CDYL2: variants seen among roughly 807,000 people sequenced by gnomAD.
The protein encoded by CDYL2 is chromodomain Y-like protein 2.
Under a neutral mutation model 49.4 loss-of-function variants are expected in CDYL2, and 23 were observed. The ratio of observed to expected loss-of-function variants is 0.47; its 90% confidence interval spans 0.34 to 0.66. CDYL2 has a LOEUF of 0.66. Ranked by LOEUF, CDYL2 falls within the 30% of genes least tolerant of loss-of-function variation. The pLI is 0.01. For synonymous variants in CDYL2, 360 were observed against 268.8 expected (o/e 1.34, Z -3.32); for missense variants, 678 against 656.4 (o/e 1.03, Z -0.36).
At chr16:80,736,454 G>C (rs1043650805) in intron 1 of CDYL2, 13 of 152,228 alleles carry the variant, frequency 8.5e-5, no homozygotes, top group African/African-American at 2.9e-4. Flanking sequence ...GTGAGCAAGA[G>C]AGGTACAAAG....
chr16:80,777,503 A>G (rs1261662188), intron 1 of CDYL2, among the ~76,000 whole-genome samples: 2 of 152,136 alleles, frequency 1.3e-5, no homozygotes, highest in Non-Finnish European at 2.9e-5. Flanking sequence ...GAAAAGAGAA[A>G]GTACAAATCT....
chr16:80,724,023 G>A (rs113044987), intron 1 of CDYL2, among the ~76,000 whole-genome samples: 3 of 149,012 alleles, frequency 2.0e-5, no homozygotes, highest in Admixed American at 6.7e-5. Context: ...AAGAGAAAGA[G>A]GAAGAGGGGA....
chr16:80,699,712 G>C (rs1225105662), intron 1 of CDYL2, among the ~76,000 whole-genome samples: 2 of 152,082 alleles, frequency 1.3e-5, no homozygotes, highest in Non-Finnish European at 2.9e-5. Flanking sequence ...TGAAGGGATG[G>C]ATATGCTAAT....
intron 1 of CDYL2, among the ~76,000 whole-genome samples, chr16:80,720,577 G>T (rs1408199202): frequency 6.6e-6 from 1 of 152,226 alleles, no homozygotes; most frequent in Non-Finnish European, 1.5e-5. Context: ...ATTTTGCTCA[G>T]GAGTATCCAT....
At chr16:80,781,694 G>A (rs1907275017) in intron 1 of CDYL2, among the ~76,000 whole-genome samples, 1 of 152,016 alleles carries the variant, frequency 6.6e-6, no homozygotes, top group Admixed American at 6.6e-5. Flanking sequence ...ATCATACAAA[G>A]TACCTTTTCT....
At chr16:80,622,308 C>A (rs559656500) in intron 3 of CDYL2, among the ~76,000 whole-genome samples, 1 of 152,304 alleles carries the variant, frequency 6.6e-6, no homozygotes, top group African/African-American at 2.4e-5. Flanking sequence ...AGCCTATATT[C>A]ACCTAATCAC....
intron 2 of CDYL2, among the ~76,000 whole-genome samples, chr16:80,666,580 G>A (rs565703236): frequency 3.2e-4 from 49 of 152,272 alleles, no homozygotes; most frequent in African/African-American, 8.4e-4. Flanking sequence ...GGCAGATGGC[G>A]ACAACAATCA....
intron 1 of CDYL2, among the ~76,000 whole-genome samples, chr16:80,727,387 G>C (rs575524381): frequency 3.3e-5 from 5 of 152,346 alleles, no homozygotes; most frequent in Admixed American, 2.6e-4. Flanking sequence ...GCGCTTTTCC[G>C]AGGGGCTTAA....
intron 1 of CDYL2, among the ~76,000 whole-genome samples, chr16:80,719,022 G>A (rs962373960): frequency 1.3e-5 from 2 of 152,146 alleles, no homozygotes; most frequent in Non-Finnish European, 1.5e-5. Context: ...ACGACTTAAC[G>A]CTCCCAGAGA....
At chr16:80,604,736 T>G (rs1906255683) in intron 6 of CDYL2, among the ~76,000 whole-genome samples, 190 bp from the exon 7 acceptor site, 1 of 152,180 alleles carries the variant, frequency 6.6e-6, no homozygotes. Context: ...TGTCAAGACG[T>G]GAACACTGTG....
intron 1 of CDYL2, among the ~76,000 whole-genome samples, chr16:80,710,014 G>A (rs932822838): frequency 1.3e-5 from 2 of 150,652 alleles, no homozygotes; most frequent in Admixed American, 6.6e-5. Context: ...TGCAACCTCC[G>A]CCTTCCTGTT....
chr16:80,690,219 T>C (rs956690584), intron 1 of CDYL2, among the ~76,000 whole-genome samples: 3 of 151,818 alleles, frequency 2.0e-5, no homozygotes, highest in African/African-American at 4.8e-5. Context: ...GCAGCGGGAA[T>C]GGATTTACTT....
At chr16:80,606,351 T>C (rs1286167433) in intron 6 of CDYL2, among the ~76,000 whole-genome samples, 1 of 152,226 alleles carries the variant, frequency 6.6e-6, no homozygotes, top group Non-Finnish European at 1.5e-5. Context: ...TTCCTTGTCC[T>C]AAGAGCCTGT....
intron 4 of CDYL2, among the ~76,000 whole-genome samples, chr16:80,618,247 G>T (rs1906918741): frequency 6.6e-6 from 1 of 151,004 alleles, no homozygotes; most frequent in Non-Finnish European, 1.5e-5. Context: ...TACTCAGCTG[G>T]GAAAGTCAGG....
intron 1 of CDYL2, among the ~76,000 whole-genome samples, chr16:80,728,662 G>T (rs921861086): frequency 1.3e-5 from 2 of 151,968 alleles, no homozygotes; most frequent in African/African-American, 4.8e-5. Flanking sequence ...CACCAAAGTT[G>T]AAATGAAGGA....
At chr16:80,674,139 C>T (rs1329269792) in intron 2 of CDYL2, among the ~76,000 whole-genome samples, 2 of 152,176 alleles carry the variant, frequency 1.3e-5, no homozygotes, top group African/African-American at 4.8e-5. Context: ...ACTAATACAG[C>T]GTCCCTTGGT....
At chr16:80,658,787 A>G (rs144537007) in intron 2 of CDYL2, among the ~76,000 whole-genome samples, 20 of 152,330 alleles carry the variant, frequency 1.3e-4, no homozygotes, top group Admixed American at 2.6e-4. Context: ...TCCCACTAAA[A>G]TAAACAAGGG....
At chr16:80,740,967 T>G (rs1026149561) in intron 1 of CDYL2, among the ~76,000 whole-genome samples, 72 of 151,932 alleles carry the variant, frequency 4.7e-4, no homozygotes, top group African/African-American at 1.5e-3. Flanking sequence ...CCCATCTGGA[T>G]TTTTTAAACT....
At chr16:80,621,338 G>C (rs1352168827) in intron 3 of CDYL2, among the ~76,000 whole-genome samples, 1 of 152,248 alleles carries the variant, frequency 6.6e-6, no homozygotes, top group Non-Finnish European at 1.5e-5. Context: ...GCCATCTCTA[G>C]ATGACTCAAT....
Sources: gnomAD v4.1 joint callset for allele counts (sites outside exome capture counted in the v4.1 genomes callset) on GRCh38, gnomAD v4.1.1 for gene constraint, MANE v1.5 for transcripts, NCBI Gene and HGNC (gene_info 2026-07-23, HGNC 2026-07-21) for gene names.